FOXH1: variants seen among roughly 807,000 people sequenced by gnomAD.
The protein encoded by FOXH1 is forkhead box protein H1.
FOXH1 carries 10 observed loss-of-function variants against 14.2 expected under a neutral mutation model. The ratio of observed to expected loss-of-function variants is 0.70; its 90% CI spans 0.43 to 1.19. The LOEUF (loss-of-function observed/expected upper bound fraction) is 1.19. FOXH1 is among the 50% of genes most tolerant of loss of function. The pLI is 0.00. For synonymous variants in FOXH1, 273 were observed against 209.5 expected (o/e 1.30, Z -2.62); for missense variants, 643 against 492.1 (o/e 1.31, Z -2.90).
Position 144,473,608 on chromosome 8 carries a change from C to A in FOXH1, c.*630G>T. 1.6e-6 allele frequency: 1 copy of A among 638,440 alleles called. No individual in the cohort carries two copies. The highest frequency in any genetic ancestry group is 2.5e-6 in the Non-Finnish European group (1 of 403,294). 39.5% of individuals were successfully genotyped at this position (638,440 alleles called of 1,614,324 possible). ...CCCCGCCCCCAGCCCTGCATCAGGC[C>A]ACAGGTCTTGGCTTTCTCCTTATCA... On this transcript the variant is annotated 3_prime_UTR_variant, in exon 3 of 3. Coordinates refer to ENST00000377317, the MANE Select transcript of FOXH1 (RefSeq NM_003923.3).
Position 144,473,980 on chromosome 8 carries a change from T to C in FOXH1, c.*258A>G, listed in dbSNP as rs1825054860. ...CTGAGAAGAGGGGACTAGGAAGGGC[T>C]ATTCCAGGCTCAGCCCTGCTCCTGC... On this transcript the variant is annotated 3_prime_UTR_variant, in exon 3 of 3. Coordinates refer to ENST00000377317, the MANE Select transcript of FOXH1 (RefSeq NM_003923.3). 1.8e-6 allele frequency: 1 copy of C among 542,652 alleles called. No homozygotes were observed. The highest frequency in any genetic ancestry group is 3.3e-6 in the Non-Finnish European group (1 of 306,524). The allele number at this position is 542,652 out of a possible 1,614,324, so 33.6% of individuals were successfully genotyped here.
Position 144,474,097 on chromosome 8 carries a change from A to G in FOXH1, c.*141T>C, listed in dbSNP as rs897543268. 9 of 679,156 alleles carry G rather than the reference A, an allele frequency of 1.3e-5. No individual in the cohort carries two copies. Among genetic ancestry groups the G allele is most frequent in the South Asian group, 3.9e-5 (2 of 51,870 alleles). 42.1% of individuals were successfully genotyped at this position (679,156 alleles called of 1,614,324 possible). A position where few individuals can be genotyped will look rare whatever the true frequency, so the allele number is the denominator to read the frequency against. ...CCACGGCCATGCGTGGGGTGGCCCAATAAACACCGTGGACTCCCAGCAAGG... is the reference window on the plus strand; with the variant it reads ...CCACGGCCATGCGTGGGGTGGCCCAGTAAACACCGTGGACTCCCAGCAAGG... On this transcript the variant is annotated 3_prime_UTR_variant, in exon 3 of 3. Coordinates refer to ENST00000377317, the MANE Select transcript of FOXH1 (RefSeq NM_003923.3).
rs757004198 is a variant in FOXH1 at position 144,475,268 on chromosome 8, C to T, written c.175-7G>A. 1 of 1,610,228 alleles carries T rather than the reference C, an allele frequency of 6.2e-7. No homozygotes were observed. Among genetic ancestry groups the T allele is most frequent in the South Asian group, 1.1e-5 (1 of 90,766 alleles). On this transcript the variant is annotated splice_polypyrimidine_tract_variant and splice_region_variant and intron_variant, in intron 1 of 2. Transcript: ENST00000377317. ...CCTGGACCTGACGGATGATCTGAAA[C>T]CGCCAGGCGGCCGGCCGGCGCCGTG... is the stretch of plus-strand genomic sequence containing the variant.
rs373427903 is a variant in FOXH1, at chr8:144,474,837, A to G, written c.499T>C (p.Phe167Leu). ...CCTCCTAGCAGGGACTTGATGCTGA[A>G]GCCCTCACTGGGTGGTGGCGGGGGA... ...PSPPPPPSEG[F>L]SIKSLLGGSG... is the part of the protein sequence containing the mutation. Residue 167 changes from phenylalanine to leucine, a missense_variant, in exon 3 of 3, where the codon TTC becomes CTC. Phe to Leu is a conservative substitution (Grantham distance 22, BLOSUM62 0). Transcript: ENST00000377317. 4.6e-5 allele frequency: 74 copies of G among 1,611,878 alleles called. No homozygotes were observed. The African/African-American group carries it at 8.1e-4, about 18-fold the overall frequency.
rs775697350 is a variant in FOXH1 at position 144,474,716 on chromosome 8, G to A, written c.620C>T (p.Pro207Leu). 60 of 1,541,194 alleles carry A rather than the reference G, an allele frequency of 3.9e-5. No homozygotes were observed. The South Asian group carries it at 7.0e-4, about 18-fold the overall frequency. ...GNSGEEAVPT[P>L]PLPSSERPLW... is the part of the protein sequence containing the mutation. Reference sequence around the variant, plus strand: ...AGGCCTCTCAGAAGAGGGAAGGGGTGGGGTGGGCACCGCCTCCTCCCCACT... The same window carrying A: ...AGGCCTCTCAGAAGAGGGAAGGGGTAGGGTGGGCACCGCCTCCTCCCCACT... Residue 207 changes from proline (P) to leucine (L), a missense_variant, in exon 3 of 3, where the codon CCA becomes CTA. Coordinates refer to ENST00000377317, the MANE Select transcript of FOXH1 (RefSeq NM_003923.3).
intron 1 of FOXH1, 128 bp downstream of exon 1, chr8:144,475,455 A>T (rs1564752577): frequency 6.9e-6 from 6 of 864,146 alleles, no homozygotes; most frequent in African/African-American, 1.7e-5. Flanking sequence ...TGAGGCCCTC[A>T]GCTCTCAGGA....
Position 144,475,275 on chromosome 8 carries a change from G to C in FOXH1, c.175-14C>G. On this transcript the variant is annotated splice_polypyrimidine_tract_variant and intron_variant, in intron 1 of 2. Coordinates refer to ENST00000377317, the MANE Select transcript of FOXH1 (RefSeq NM_003923.3). ...CTGACGGATGATCTGAAACCGCCAG[G>C]CGGCCGGCCGGCGCCGTGAGCCCAG... The C allele has an allele frequency of 6.2e-7, 1 of 1,606,334 alleles. No homozygotes were observed. The highest frequency in any genetic ancestry group is 8.5e-7 in the Non-Finnish European group (1 of 1,175,446).
At chr8:144,475,516 C>T in intron 1 of FOXH1, 67 bp downstream of exon 1, 2 of 1,306,306 alleles carry the variant, frequency 1.5e-6, no homozygotes, top group Non-Finnish European at 2.1e-6. Context: ...GGGGTCAGGG[C>T]TTGAACCTGG....
At position 144,474,591 on chromosome 8, in the gene FOXH1, C is replaced by T. The variant is rs1359431562; in HGVS notation, c.745G>A (p.Ala249Thr). The change falls in exon 3 of 3, where the codon GCC (alanine) becomes ACC (threonine). Residue 249 changes from alanine to threonine, a missense_variant. Coordinates refer to ENST00000377317, the MANE Select transcript of FOXH1 (RefSeq NM_003923.3). ...GPSTLSPEPR[A>T]WPLHLLQGTA... ...CCCTGCAGTAAGTGGAGAGGCCAGG[C>T]CCTAGGCTCTGGGGAGAGGGTTGAG... The T allele has an allele frequency of 6.2e-7, 1 of 1,607,874 alleles. No homozygotes were observed. Among genetic ancestry groups the T allele is most frequent in the Non-Finnish European group, 8.5e-7 (1 of 1,178,264 alleles).
Position 144,474,054 on chromosome 8 carries a change from G to A in FOXH1, c.*184C>T, listed in dbSNP as rs901712027. 2 of 599,922 alleles carry A rather than the reference G, an allele frequency of 3.3e-6. No homozygotes were observed. Among genetic ancestry groups the A allele is most frequent in the Admixed American group, 3.0e-5 (1 of 33,694 alleles). 37.2% of individuals were successfully genotyped at this position (599,922 alleles called of 1,614,324 possible). A position where few individuals can be genotyped will look rare whatever the true frequency, so the allele number is the denominator to read the frequency against. ...AAACAGGCATGACAGACCAGGGTGA[G>A]GGTTGTGCCCAGCTGGGCCACGGCC... is the stretch of plus-strand genomic sequence containing the variant. On this transcript the variant is annotated 3_prime_UTR_variant, in exon 3 of 3. Coordinates refer to ENST00000377317, the MANE Select transcript of FOXH1 (RefSeq NM_003923.3).
At position 144,474,543 on chromosome 8, in the gene FOXH1, A is replaced by G. The variant is rs1443024246; in HGVS notation, c.793T>C (p.Ser265Pro). Residue 265 changes from serine to proline, a missense_variant, in exon 3 of 3, where the codon TCC becomes CCC. Coordinates refer to ENST00000377317, the MANE Select transcript of FOXH1 (RefSeq NM_003923.3). ...AGGGAGGCCCTGTGTCCCCCGCTGGACCGTCCCCCAGGAACTGCGGTGCCC... is the reference window on the plus strand; with the variant it reads ...AGGGAGGCCCTGTGTCCCCCGCTGGGCCGTCCCCCAGGAACTGCGGTGCCC... The part of the protein sequence containing the change: ...LQGTAVPGGR[S>P]SGGHRASLWG... 4.3e-6 allele frequency: 7 copies of G among 1,610,838 alleles called. No individual in the cohort carries two copies. Among genetic ancestry groups the G allele is most frequent in the Non-Finnish European group, 5.9e-6 (7 of 1,179,918 alleles).
In FOXH1 at chr8:144,474,842, T is replaced by C; in HGVS notation, c.494A>G (p.Glu165Gly). 4 of 1,611,864 alleles carry C rather than the reference T, an allele frequency of 2.5e-6. No homozygotes were observed. In the South Asian group the frequency reaches 4.4e-5, roughly 18 times the overall value. Reference sequence around the variant, plus strand: ...TAGCAGGGACTTGATGCTGAAGCCCTCACTGGGTGGTGGCGGGGGACTGGG... The same window carrying C: ...TAGCAGGGACTTGATGCTGAAGCCCCCACTGGGTGGTGGCGGGGGACTGGG... ...RPPSPPPPPS[E>G]GFSIKSLLGG... is the part of the protein sequence containing the mutation. Residue 165 changes from glutamate to glycine, a missense_variant, in exon 3 of 3, where the codon GAG becomes GGG. By Grantham distance (98) the Glu-to-Gly change is moderately conservative (BLOSUM62 -2). Transcript: ENST00000377317.
chr8:144,475,695 G>C lies in FOXH1; in HGVS notation c.62C>G (p.Pro21Arg), dbSNP rs373519961. ...PPEAESPSQP[P>R]KRRKKRYLRH... ...CAGGTACCTCTTCTTCCTCCTCTTA[G>C]GGGGCTGGGAGGGCGACTCTGCCTC... Residue 21 changes from proline (P) to arginine (R), a missense_variant, in exon 1 of 3, where the codon CCT becomes CGT. By Grantham distance (103) the Pro-to-Arg change is moderately radical. Transcript: ENST00000377317. 3 of 1,427,176 alleles carry C rather than the reference G, an allele frequency of 2.1e-6. No homozygotes were observed. The highest frequency in any genetic ancestry group is 2.8e-6 in the Non-Finnish European group (3 of 1,089,520). 88.4% of individuals were successfully genotyped at this position (1,427,176 alleles called of 1,614,324 possible). A position where few individuals can be genotyped will look rare whatever the true frequency, so the allele number is the denominator to read the frequency against.
rs1178974892 is a variant in FOXH1, at chr8:144,474,361, G to A, written c.975C>T (p.Cys325=). ...CCCCTTGGAAGAGGGCGTCTAGATC[G>A]CAGAGCAGCCCTGGGGGCCCTCGGG... ...PETRGPPGLL[C]DLDALFQGVP... is the part of the protein sequence containing the mutation. The change falls in exon 3 of 3, where the codon TGC becomes TGT. Residue 325 remains cysteine, a synonymous_variant. Coordinates refer to ENST00000377317, the MANE Select transcript of FOXH1 (RefSeq NM_003923.3). 3.7e-6 allele frequency: 6 copies of A among 1,613,002 alleles called. No individual in the cohort carries two copies. Among genetic ancestry groups the A allele is most frequent in the South Asian group, 3.3e-5 (3 of 91,094 alleles).
chr8:144,475,309 G>T (rs751176463), intron 1 of FOXH1, 48 bp from the exon 2 acceptor site: 43 of 1,499,550 alleles, frequency 2.9e-5, no homozygotes, highest in Admixed American at 2.7e-4. Context: ...AGACGGGGAG[G>T]GGGTAGCGCC....
At position 144,473,651 on chromosome 8, in the gene FOXH1, G is replaced by A; in HGVS notation, c.*587C>T. On this transcript the variant is annotated 3_prime_UTR_variant, in exon 3 of 3. Transcript: ENST00000377317. ...CCTTATCACCATTTGCTGTTATCAC[G>A]GCACACAGCAGGGAATCCCAGGCCC... 3 of 509,890 alleles carry A rather than the reference G, an allele frequency of 5.9e-6. No individual in the cohort carries two copies. The highest frequency in any genetic ancestry group is 9.9e-6 in the Non-Finnish European group (3 of 302,770). 31.6% of individuals were successfully genotyped at this position (509,890 alleles called of 1,614,324 possible). A position where few individuals can be genotyped will look rare whatever the true frequency, so the allele number is the denominator to read the frequency against.
intron 1 of FOXH1, 142 bp downstream of exon 1, chr8:144,475,441 G>T: frequency 1.2e-6 from 1 of 838,370 alleles, no homozygotes; most frequent in Non-Finnish European, 1.9e-6. Flanking sequence ...GAAGGGTCGT[G>T]CCTTGAGGCC....
rs747711152 is a variant in FOXH1, at chr8:144,475,182, A to G, written c.254T>C (p.Leu85Pro). The change falls in exon 2 of 3, where the codon CTT becomes CCT. Residue 85 changes from leucine to proline, a missense_variant. Transcript: ENST00000377317. ...EGWKDSIRHNLSSNRCFRKVP... is the reference protein window; with the variant it reads ...EGWKDSIRHNPSSNRCFRKVP... The stretch of plus-strand genomic sequence containing the variant: ...CTTGCGGAAGCATCGGTTGGAGGAA[A>G]GGTTGTGGCGAATGGAGTCTTTCCA... The G allele has an allele frequency of 6.2e-7, 1 of 1,613,636 alleles. No individual in the cohort carries two copies. The highest frequency in any genetic ancestry group is 1.1e-5 in the South Asian group (1 of 91,078).
chr8:144,473,723 G>A lies in FOXH1; in HGVS notation c.*515C>T, dbSNP rs1825040877. The A allele has an allele frequency of 8.8e-6, 4 of 456,494 alleles. No individual in the cohort carries two copies. In the East Asian group the frequency reaches 1.5e-4, roughly 17 times the overall value. 28.3% of individuals were successfully genotyped at this position (456,494 alleles called of 1,614,324 possible). On this transcript the variant is annotated 3_prime_UTR_variant, in exon 3 of 3. Transcript: ENST00000377317. ...GTCACCACTCCTGACCCAAAAATCA[G>A]GCATGGCATTAAAACGTTGCAAATT...
Sources: gnomAD v4.1 joint callset for allele counts on GRCh38, gnomAD v4.1.1 for gene constraint, MANE v1.5 for transcripts, NCBI Gene and HGNC (gene_info 2026-07-23, HGNC 2026-07-21) for gene names.